The following ANKRD36B variants were observed in gnomAD, a reference collection of about 807,000 sequenced individuals.
ANKRD36B encodes the protein ankyrin repeat domain 36B.
A neutral mutation model predicts 135.7 loss-of-function variants in ANKRD36B; 37 were observed. The observed-to-expected ratio is 0.27, with a 90% CI of 0.21 to 0.36. ANKRD36B has a LOEUF of 0.36. Ranked by LOEUF, ANKRD36B falls within the 10% of genes least tolerant of loss-of-function variation. The pLI is 1.00. For missense variants in ANKRD36B, 549 were observed against 1,037.1 expected (o/e 0.53, Z 6.46); for synonymous variants, 179 against 348.1 (o/e 0.51, Z 5.41).
Position 97,585,997 on chromosome 2 carries a change from C to T in ANKRD36B, c.162-599G>A, listed in dbSNP as rs570498145. The stretch of plus-strand genomic sequence containing the variant: ...ACTGTTTACAATTCATTATTTATTA[C>T]ATTTATAACTGGCAACATTTTAAAC... On this transcript the variant is annotated intron_variant, in intron 1 of 43. Coordinates refer to ENST00000359901, the MANE Select transcript of ANKRD36B (RefSeq NM_001393939.1). 7.6e-4 allele frequency among the ~76,000 whole-genome samples: 116 copies of T among 152,228 alleles called. 1 individual carries two copies. The highest frequency in any genetic ancestry group is 2.7e-3 in the African/African-American group (111 of 41,546).
intron 16 of ANKRD36B, among the ~76,000 whole-genome samples, chr2:97,552,927 A>G (rs1449138119): frequency 2.0e-5 from 3 of 151,936 alleles, no homozygotes; most frequent in Admixed American, 6.6e-5. Flanking sequence ...CCTCTCTCCA[A>G]TATTTCTTCT....
rs2077967377 is a variant in ANKRD36B at position 97,521,948 on chromosome 2, T to C, written c.2407+1378A>G. Among the ~76,000 whole-genome samples, 2 of 86,524 alleles carry C rather than the reference T, an allele frequency of 2.3e-5. 1 individual carries two copies. Among genetic ancestry groups the C allele is most frequent in the East Asian group, 5.2e-4 (2 of 3,858 alleles). 56.8% of individuals were successfully genotyped at this position (86,524 alleles called of 152,430 possible). On this transcript the variant is annotated intron_variant, in intron 36 of 43. Coordinates refer to ENST00000359901, the MANE Select transcript of ANKRD36B (RefSeq NM_001393939.1). ...AGGATAGCCTTTTCAACATGCGGTG[T>C]TGGAACAACTGGCTGTCCATATCCA...
intron 1 of ANKRD36B, among the ~76,000 whole-genome samples, chr2:97,589,240 T>C (rs1573126678): frequency 1.1e-5 from 1 of 94,838 alleles, no homozygotes; most frequent in South Asian, 5.5e-4. Flanking sequence ...TCCACGCCCC[T>C]ACCCCCCAAG....
chr2:97,553,080 C>T (rs1022884577), intron 16 of ANKRD36B, 88 bp downstream of exon 16: 17 of 1,481,912 alleles, frequency 1.1e-5, no homozygotes, highest in Admixed American at 4.2e-5. Context: ...AGCGAGCCCC[C>T]CACCCGCCCT....
chr2:97,581,598 T>A (rs1226767545), intron 3 of ANKRD36B, among the ~76,000 whole-genome samples: 5 of 151,954 alleles, frequency 3.3e-5, no homozygotes, highest in Non-Finnish European at 5.9e-5. Flanking sequence ...GTAATTATAA[T>A]CTTAGGACCC....
intron 6 of ANKRD36B, among the ~76,000 whole-genome samples, chr2:97,574,295 T>C (rs962327083): frequency 3.9e-5 from 6 of 152,176 alleles, no homozygotes; most frequent in African/African-American, 1.4e-4. Flanking sequence ...AAAATGCTCA[T>C]CATCACTGGC....
chr2:97,568,420 A>G (rs1393773511), intron 6 of ANKRD36B, among the ~76,000 whole-genome samples: 1 of 152,170 alleles, frequency 6.6e-6, no homozygotes, highest in Non-Finnish European at 1.5e-5. Context: ...AAGACTTTTC[A>G]GCTGCCAATG....
Position 97,513,252 on chromosome 2 carries a change from C to G in ANKRD36B, c.2733G>C (p.Val911=). The G allele has an allele frequency of 1.9e-6, 3 of 1,542,420 alleles. 1 individual carries two copies. In the South Asian group the frequency reaches 3.5e-5, roughly 18 times the overall value. ...TGAGAGCCGGTTTAATTGGTTTTGTCACATCAGCTTCTATCCTATATTGCT... is the reference window on the plus strand; with the variant it reads ...TGAGAGCCGGTTTAATTGGTTTTGTGACATCAGCTTCTATCCTATATTGCT... ...TEEQYRIEAD[V]TKPIKPALKS... Residue 911 remains valine (V), a synonymous_variant, in exon 38 of 44, where the codon GTG becomes GTC. Coordinates refer to ENST00000359901, the MANE Select transcript of ANKRD36B (RefSeq NM_001393939.1).
At position 97,496,710 on chromosome 2, in the gene ANKRD36B, G is replaced by A. The variant is rs1280092756; in HGVS notation, c.*7-3855C>T. Among the ~76,000 whole-genome samples the A allele has an allele frequency of 1.8e-4, 13 of 72,484 alleles. 1 individual carries two copies. Among genetic ancestry groups the A allele is most frequent in the Admixed American group, 5.4e-4 (5 of 9,230 alleles). The allele number at this position is 72,484 out of a possible 152,430, so 47.6% of individuals were successfully genotyped here. A position where few individuals can be genotyped will look rare whatever the true frequency, so the allele number is the denominator to read the frequency against. On this transcript the variant is annotated intron_variant, in intron 43 of 43. Coordinates refer to ENST00000359901, the MANE Select transcript of ANKRD36B (RefSeq NM_001393939.1). ...AACAAAGCCTGGATGAAAACACATC[G>A]TTTACAGTATGGTTTACCAAATATC...
intron 6 of ANKRD36B, among the ~76,000 whole-genome samples, chr2:97,562,665 T>C (rs979744113): frequency 2.0e-5 from 3 of 152,054 alleles, no homozygotes; most frequent in Admixed American, 6.6e-5. Context: ...CTAATATCCA[T>C]ATTGGTGGAC....
rs563782281 is a variant in ANKRD36B at position 97,555,044 on chromosome 2, T to C, written c.1171+16A>G. ...TCTGGACTGAACATGACATTAAATG[T>C]GTTTTGCAAAATTACCTGTCCCACA... On this transcript the variant is annotated intron_variant, in intron 14 of 43. Coordinates refer to ENST00000359901, the MANE Select transcript of ANKRD36B (RefSeq NM_001393939.1). 71 of 1,611,122 alleles carry C rather than the reference T, an allele frequency of 4.4e-5. No individual in the cohort carries two copies. Among genetic ancestry groups the C allele is most frequent in the Non-Finnish European group, 5.3e-5 (63 of 1,178,208 alleles).
rs1246281910 is a variant in ANKRD36B at position 97,544,636 on chromosome 2, C to A, written c.1682-651G>T. 2.1e-5 allele frequency among the ~76,000 whole-genome samples: 2 copies of A among 96,168 alleles called. 1 individual carries two copies. The highest frequency in any genetic ancestry group is 1.9e-4 in the Admixed American group (2 of 10,726). The allele number at this position is 96,168 out of a possible 152,430, so 63.1% of individuals were successfully genotyped here. ...AGCCTTCTGAAAGTTTCTTCATCCA[C>A]TCATGGCACCAAAGGATAATATATT... is the stretch of plus-strand genomic sequence containing the variant. On this transcript the variant is annotated intron_variant, in intron 24 of 43. Coordinates refer to ENST00000359901, the MANE Select transcript of ANKRD36B (RefSeq NM_001393939.1).
rs777456584 is a variant in ANKRD36B, at chr2:97,585,356, C to G, written c.204G>C (p.Met68Ile). ...ATCTTCTGGACACCAGGAGATGTAC[C>G]ATTTCCGGTTGGCCAGTGGCACAGG... Reference protein sequence around the residue: ...HLACATGQPEMVHLLVSRRCE... With the variant: ...HLACATGQPEIVHLLVSRRCE... Residue 68 changes from methionine (M) to isoleucine (I), a missense_variant, in exon 2 of 44, where the codon ATG becomes ATC. Met to Ile is a conservative substitution (Grantham distance 10, BLOSUM62 1). Transcript: ENST00000359901. 73 of 1,572,134 alleles carry G rather than the reference C, an allele frequency of 4.6e-5. No homozygotes were observed. The highest frequency in any genetic ancestry group is 1.1e-4 in the Admixed American group (6 of 54,754).
rs1051259146 is a variant in ANKRD36B, at chr2:97,536,097, C to T, written c.2191+203G>A. Among the ~76,000 whole-genome samples, 5 of 95,216 alleles carry T rather than the reference C, an allele frequency of 5.3e-5. 2 individuals are homozygous for T. Among genetic ancestry groups the T allele is most frequent in the Admixed American group, 2.8e-4 (3 of 10,624 alleles). The allele number at this position is 95,216 out of a possible 152,430, so 62.5% of individuals were successfully genotyped here. ...CAAAAAACAAAACAAAAAAAAAAACCTTATGTTTTAAAAATGTATTTTCCT... is the reference window on the plus strand; with the variant it reads ...CAAAAAACAAAACAAAAAAAAAAACTTTATGTTTTAAAAATGTATTTTCCT... On this transcript the variant is annotated intron_variant, in intron 34 of 43. Transcript: ENST00000359901.
At chr2:97,574,419 G>C (rs1279299044) in intron 6 of ANKRD36B, among the ~76,000 whole-genome samples, 2 of 152,142 alleles carry the variant, frequency 1.3e-5, no homozygotes, top group South Asian at 4.2e-4. Context: ...GGAGAAATAG[G>C]AACACTTTTA....
chr2:97,551,927 C>A (rs1422234663), intron 16 of ANKRD36B, among the ~76,000 whole-genome samples: 1 of 151,940 alleles, frequency 6.6e-6, no homozygotes, highest in East Asian at 2.0e-4. Flanking sequence ...TGCCCAATAT[C>A]TAAGAAAGCA....
chr2:97,527,680 C>T (rs2078295683), intron 35 of ANKRD36B, among the ~76,000 whole-genome samples: 2 of 95,444 alleles, frequency 2.1e-5, no homozygotes, highest in South Asian at 4.8e-4. Context: ...CAGAGACACA[C>T]ATAGGTTCAA....
At chr2:97,549,296 A>C in intron 20 of ANKRD36B, 123 bp downstream of exon 20, 1 of 1,256,378 alleles carries the variant, frequency 8.0e-7, no homozygotes, top group South Asian at 1.4e-5. Flanking sequence ...CTACAAATGA[A>C]GAATCTCTGG....
chr2:97,552,052 A>G (rs1180239006), intron 16 of ANKRD36B, among the ~76,000 whole-genome samples: 2 of 151,962 alleles, frequency 1.3e-5, no homozygotes, highest in Non-Finnish European at 2.9e-5. Flanking sequence ...AATATTCATT[A>G]TCTCTCACAC....
Sources: gnomAD v4.1 joint callset for allele counts (sites outside exome capture counted in the v4.1 genomes callset) on GRCh38, gnomAD v4.1.1 for gene constraint, MANE v1.5 for transcripts, NCBI Gene and HGNC (gene_info 2026-07-23, HGNC 2026-07-21) for gene names.